Variants in CUL1 observed in about 807,000 individuals in gnomAD.
The protein encoded by CUL1 is cullin-1.
Under a neutral mutation model 118.0 loss-of-function variants are expected in CUL1, and 24 were observed. The ratio of observed to expected loss-of-function variants is 0.20; its 90% confidence interval spans 0.15 to 0.29. The LOEUF (loss-of-function observed/expected upper bound fraction) is 0.29, where lower values mean the gene tolerates loss of function less well. Ranked by LOEUF, CUL1 falls within the 10% of genes least tolerant of loss-of-function variation. The probability of loss-of-function intolerance (pLI) is 1.00; values close to 1 mark genes in which losing one functional copy is unlikely to be tolerated. For synonymous variants in CUL1, 332 were observed against 340.4 expected (o/e 0.98, Z 0.27); for missense variants, 361 against 933.8 (o/e 0.39, Z 7.99).
intron 1 of CUL1, among the ~76,000 whole-genome samples, chr7:148,704,997 T>C (rs190162277): frequency 1.3e-5 from 2 of 152,334 alleles, no homozygotes; most frequent in East Asian, 1.9e-4. Context: ...CCTTTCCAGG[T>C]GTGTTGATGC....
chr7:148,769,589 T>A (rs1800143100), intron 9 of CUL1, among the ~76,000 whole-genome samples: 1 of 152,240 alleles, frequency 6.6e-6, no homozygotes, highest in Non-Finnish European at 1.5e-5. Context: ...GACTTGACTT[T>A]CCTTGAAATG....
chr7:148,800,551 G>A lies in CUL1; in HGVS notation c.2300G>A (p.Gly767Asp). 1 of 1,613,926 alleles carries A rather than the reference G, an allele frequency of 6.2e-7. No homozygotes were observed. Among genetic ancestry groups the A allele is most frequent in the Non-Finnish European group, 8.5e-7 (1 of 1,179,820 alleles). The change falls in exon 22 of 22, where the codon GGT becomes GAT. Residue 767 changes from glycine to aspartate, a missense_variant. Transcript: ENST00000325222. This position sits in a 1 kb window ranked among gnomAD's most constrained non-coding sequence, Gnocchi z 4.6. The part of the protein sequence containing the change: ...IEKEYLERVD[G>D]EKDTYSYLA ...AAAGAATATTTGGAGCGAGTGGATG[G>A]TGAAAAGGACACCTACAGTTACTTG...
intron 7 of CUL1, among the ~76,000 whole-genome samples, chr7:148,765,641 T>C (rs1336810037): frequency 6.6e-6 from 1 of 152,092 alleles, no homozygotes; most frequent in Non-Finnish European, 1.5e-5. Context: ...CTGAAAAAAA[T>C]ATATTTAAAA....
intron 9 of CUL1, among the ~76,000 whole-genome samples, chr7:148,779,778 A>G (rs934451524): frequency 6.6e-6 from 1 of 152,216 alleles, no homozygotes; most frequent in Admixed American, 6.5e-5. Flanking sequence ...TGAAGGATGC[A>G]AAGTATTGAT....
At chr7:148,699,074 G>A in intron 1 of CUL1, 45 bp downstream of exon 1, 1 of 155,856 alleles carries the variant, frequency 6.4e-6, no homozygotes, top group Non-Finnish European at 1.4e-5. Context: ...TGGCGGCGGC[G>A]GCGGCGGCGC....
chr7:148,705,849 T>A (rs1234940188), intron 1 of CUL1, among the ~76,000 whole-genome samples: 1 of 152,212 alleles, frequency 6.6e-6, no homozygotes, highest in Non-Finnish European at 1.5e-5. Flanking sequence ...TCCAGACTGA[T>A]TCTTCTGACT....
Position 148,725,221 on chromosome 7 carries a change from T to TCACA in CUL1, c.-161-4717_-161-4714dup, listed in dbSNP as rs1164701228. 6.3e-3 allele frequency among the ~76,000 whole-genome samples: 917 copies of TCACA among 145,464 alleles called. 13 individuals are homozygous for TCACA. Among genetic ancestry groups the TCACA allele is most frequent in the African/African-American group, 0.021 (818 of 38,148 alleles). ...TGTACACACACACACACGCGCGCGC[T>TCACA]CACACACACACACACACACACACAC... On this transcript the variant is annotated intron_variant, in intron 1 of 21. Transcript: ENST00000325222.
At chr7:148,725,219 G>GCGCACGCGCGCACACACACACA in intron 1 of CUL1, among the ~76,000 whole-genome samples, 2 of 140,060 alleles carry the variant, frequency 1.4e-5, no homozygotes, top group Non-Finnish European at 1.5e-5. Context: ...ACACGCGCGC[G>GCGCACGCGCGCACACACACACA]CTCACACACA....
At chr7:148,760,676 T>G (rs1799798861) in intron 7 of CUL1, among the ~76,000 whole-genome samples, 180 bp downstream of exon 7, 2 of 152,230 alleles carry the variant, frequency 1.3e-5, no homozygotes, top group Non-Finnish European at 2.9e-5. Context: ...TAAATTAATT[T>G]GGTAATCGTG....
chr7:148,712,008 T>G (rs571600942), intron 1 of CUL1, among the ~76,000 whole-genome samples: 1 of 152,208 alleles, frequency 6.6e-6, no homozygotes, highest in South Asian at 2.1e-4. Flanking sequence ...CCACGCTTAG[T>G]GGCCTGAGGA....
At chr7:148,750,632 A>G (rs1335823339) in intron 2 of CUL1, among the ~76,000 whole-genome samples, 3 of 152,130 alleles carry the variant, frequency 2.0e-5, no homozygotes, top group African/African-American at 7.2e-5. Flanking sequence ...ACATGAACTC[A>G]TCCTTTTTTA....
At position 148,787,659 on chromosome 7, in the gene CUL1, C is replaced by T. The variant is rs1800861539; in HGVS notation, c.1479+539C>T. On this transcript the variant is annotated intron_variant, in intron 13 of 21. Coordinates refer to ENST00000325222, the MANE Select transcript of CUL1 (RefSeq NM_003592.3). The surrounding 1 kb of genome is among the most constrained non-coding windows in gnomAD (Gnocchi z 5.5). Reference sequence around the variant, plus strand: ...GGGCTTCCATCCTACCCAGGCCTGGCTGGGCTCAGCTCACCATCTGTGGGG... The same window carrying T: ...GGGCTTCCATCCTACCCAGGCCTGGTTGGGCTCAGCTCACCATCTGTGGGG... Among the ~76,000 whole-genome samples the T allele has an allele frequency of 6.6e-6, 1 of 152,118 alleles. No homozygotes were observed. Among genetic ancestry groups the T allele is most frequent in the African/African-American group, 2.4e-5 (1 of 41,420 alleles).
chr7:148,718,231 A>C (rs910442322), intron 1 of CUL1, among the ~76,000 whole-genome samples: 2 of 152,210 alleles, frequency 1.3e-5, no homozygotes, highest in African/African-American at 4.8e-5. Context: ...ATTGAGATTT[A>C]ATGCACATGC....
intron 9 of CUL1, among the ~76,000 whole-genome samples, chr7:148,768,192 C>T (rs1035485240): frequency 8.5e-5 from 13 of 152,056 alleles, no homozygotes; most frequent in Non-Finnish European, 1.8e-4. Flanking sequence ...TCTCTACACC[C>T]CTCCGCTTCC....
chr7:148,716,656 C>G (rs990148678), intron 1 of CUL1, among the ~76,000 whole-genome samples: 2 of 152,200 alleles, frequency 1.3e-5, no homozygotes, highest in African/African-American at 4.8e-5. Flanking sequence ...TCTACACTTA[C>G]GTGTTAGTAT....
At chr7:148,764,720 T>A (rs1325333476) in intron 7 of CUL1, among the ~76,000 whole-genome samples, 1 of 152,224 alleles carries the variant, frequency 6.6e-6, no homozygotes, top group Non-Finnish European at 1.5e-5. Context: ...AGTGGAACAT[T>A]AGATATAAAG....
chr7:148,786,500 TG>T (rs1199834309), intron 11 of CUL1, 50 bp from the exon 12 acceptor site: 4 of 1,390,982 alleles, frequency 2.9e-6, no homozygotes, highest in Middle Eastern at 1.8e-4. Flanking sequence ...AAGTGGTGCT[TG>T]TTTAAACGTA....
At chr7:148,788,010 G>A (rs796267190) in intron 13 of CUL1, among the ~76,000 whole-genome samples, 2 of 152,344 alleles carry the variant, frequency 1.3e-5, no homozygotes, top group African/African-American at 4.8e-5. Context: ...AGATCAGGGT[G>A]CCAGCTGATT....
At chr7:148,757,399 A>G (rs539602339) in intron 4 of CUL1, among the ~76,000 whole-genome samples, 12 of 152,272 alleles carry the variant, frequency 7.9e-5, no homozygotes, top group African/African-American at 2.9e-4. Flanking sequence ...TTTCTTCTTT[A>G]ATTACCTGAC....
Sources: allele counts gnomAD v4.1 joint callset (sites outside exome capture counted in the v4.1 genomes callset), GRCh38; gene constraint gnomAD v4.1.1; non-coding constraint Gnocchi (gnomAD v3.1); transcripts MANE v1.5; gene names NCBI Gene and HGNC (gene_info 2026-07-23, HGNC 2026-07-21).